The following ZNF592 variants were observed in gnomAD, a reference collection of about 807,000 sequenced individuals.
ZNF592 encodes spinocerebellar ataxia, autosomal recessive 5.
A neutral mutation model predicts 80.3 loss-of-function variants in ZNF592; 11 were observed. The ratio of observed to expected loss-of-function variants is 0.14; its 90% CI spans 0.09 to 0.23. The LOEUF is 0.23. Ranked by LOEUF, ZNF592 falls within the 10% of genes least tolerant of loss-of-function variation. The probability of loss-of-function intolerance (pLI) is 1.00; values close to 1 mark genes in which losing one functional copy is unlikely to be tolerated. For missense variants in ZNF592, 1,420 were observed against 1,633.9 expected, an observed-to-expected ratio of 0.87 and a Z score of 2.26; for synonymous variants, 646 against 640.3, an observed-to-expected ratio of 1.01 and a Z score of -0.13.
Position 84,802,615 on chromosome 15 carries a change from T to C in ZNF592, c.*222T>C. ...GCTCTGAATTTGCTTCTGTTATTTA[T>C]GGCTTTTCGCTGCTTCTTGGTGCCC... On this transcript the variant is annotated 3_prime_UTR_variant, in exon 11 of 11. Coordinates refer to ENST00000560079, the MANE Select transcript of ZNF592 (RefSeq NM_014630.3). 1.7e-6 allele frequency: 1 copy of C among 603,434 alleles called. No individual in the cohort carries two copies. The highest frequency in any genetic ancestry group is 2.0e-5 in the South Asian group (1 of 50,824). The allele number at this position is 603,434 out of a possible 1,614,324, so 37.4% of individuals were successfully genotyped here.
chr15:84,754,048 G>A (rs1436666973), intron 1 of ZNF592, among the ~76,000 whole-genome samples: 1 of 152,174 alleles, frequency 6.6e-6, no homozygotes, highest in Non-Finnish European at 1.5e-5. Context: ...TTGTTTAACA[G>A]CAGGGGAATT....
intron 2 of ZNF592, among the ~76,000 whole-genome samples, chr15:84,765,883 C>T (rs1398725078): frequency 6.6e-6 from 1 of 151,942 alleles, no homozygotes; most frequent in Non-Finnish European, 1.5e-5. Context: ...TGTGATTGGA[C>T]CCATAAAGTC....
At position 84,782,809 on chromosome 15, in the gene ZNF592, G is replaced by A; in HGVS notation, c.134G>A (p.Gly45Asp). ...EENESPLKPPGICMDESVSLS... is the reference protein window; with the variant it reads ...EENESPLKPPDICMDESVSLS... ...AATGAGAGTCCCCTCAAACCTCCAG[G>A]CATATGTATGGATGAAAGTGTGTCC... The change falls in exon 4 of 11, where the codon GGC becomes GAC. Residue 45 changes from glycine to aspartate, a missense_variant. By Grantham distance (94) the Gly-to-Asp change is moderately conservative. Transcript: ENST00000560079. 6.2e-7 allele frequency: 1 copy of A among 1,614,082 alleles called. No individual in the cohort carries two copies. Among genetic ancestry groups the A allele is most frequent in the Non-Finnish European group, 8.5e-7 (1 of 1,180,028 alleles).
At chr15:84,756,759 G>A (rs1385691134) in intron 1 of ZNF592, among the ~76,000 whole-genome samples, 2 of 152,106 alleles carry the variant, frequency 1.3e-5, no homozygotes, top group African/African-American at 2.4e-5. Flanking sequence ...AGAGATAGGA[G>A]TCTTGCTACA....
At chr15:84,791,217 A>G (rs1303781867) in intron 5 of ZNF592, among the ~76,000 whole-genome samples, 5 of 152,236 alleles carry the variant, frequency 3.3e-5, no homozygotes, top group Non-Finnish European at 7.3e-5. Flanking sequence ...TTAAATGTAA[A>G]GTGCTGTTTC....
In ZNF592 at chr15:84,784,919, G is replaced by A. The variant is rs62019471; in HGVS notation, c.2220+24G>A. On this transcript the variant is annotated intron_variant, in intron 4 of 10. Transcript: ENST00000560079. This position sits in a 1 kb window ranked among gnomAD's most constrained non-coding sequence, Gnocchi z 5.8. ...TGGTAAGCAGACCCTCACTGTTACG[G>A]GTATCGGGCCCCTGGCTCACACAGG... 1.2e-6 allele frequency: 2 copies of A among 1,613,732 alleles called. No individual in the cohort carries two copies. The highest frequency in any genetic ancestry group is 1.7e-6 in the Non-Finnish European group (2 of 1,179,940).
At chr15:84,789,072 C>A (rs927977385) in intron 4 of ZNF592, among the ~76,000 whole-genome samples, 76 of 148,770 alleles carry the variant, frequency 5.1e-4, no homozygotes, top group African/African-American at 1.7e-3. Context: ...ACAAAAAAAA[C>A]AAAACAGAAA....
At chr15:84,764,911 T>TTTTG (rs140449436) in intron 2 of ZNF592, 96 bp downstream of exon 2, 1 of 87,188 alleles carries the variant, frequency 1.1e-5, no homozygotes, top group Non-Finnish European at 1.6e-5. Flanking sequence ...TTTTGTTTTG[T>TTTTG]TTTTTTTTGA....
intron 1 of ZNF592, chr15:84,753,446 T>C (rs1203995554): frequency 6.6e-6 from 1 of 152,142 alleles, no homozygotes; most frequent in Non-Finnish European, 1.5e-5. Flanking sequence ...AGCCAGATCA[T>C]GGTGAGTTTT....
Position 84,798,969 on chromosome 15 carries a change from G to A in ZNF592, c.3024+94G>A, listed in dbSNP as rs1963013474. ...CCTAGGGTTCCTGGTGCTTAGGGCAGGGTGGGTACCACAGATCTTGAGGTC... is the reference window on the plus strand; with the variant it reads ...CCTAGGGTTCCTGGTGCTTAGGGCAAGGTGGGTACCACAGATCTTGAGGTC... On this transcript the variant is annotated intron_variant, in intron 8 of 10. Transcript: ENST00000560079. The surrounding 1 kb of genome is among the most constrained non-coding windows in gnomAD (Gnocchi z 4.5). 2.5e-6 allele frequency: 4 copies of A among 1,594,248 alleles called. No individual in the cohort carries two copies. The South Asian group carries it at 4.4e-5, about 18-fold the overall frequency.
Position 84,801,929 on chromosome 15 carries a change from G to T in ZNF592, c.3340G>T (p.Val1114Phe). ...DAPGTSNGAT[V>F]SSTKRHKSLF... ...TCCAGGCACCAGCAATGGCGCAACT[G>T]TCTCTTCCACCAAAAGGCACAAGTC... The change falls in exon 11 of 11, where the codon GTC becomes TTC. Residue 1114 changes from valine (V) to phenylalanine (F), a missense_variant. Coordinates refer to ENST00000560079, the MANE Select transcript of ZNF592 (RefSeq NM_014630.3). The T allele has an allele frequency of 4.3e-6, 7 of 1,613,934 alleles. No individual in the cohort carries two copies. Among genetic ancestry groups the T allele is most frequent in the East Asian group, 2.2e-5 (1 of 44,874 alleles).
Position 84,790,815 on chromosome 15 carries a change from C to T in ZNF592, c.2331C>T (p.Cys777=), listed in dbSNP as rs779309999. Residue 777 remains cysteine, a synonymous_variant, in exon 5 of 11, where the codon TGC becomes TGT. Coordinates refer to ENST00000560079, the MANE Select transcript of ZNF592 (RefSeq NM_014630.3). ...PYCCPECGVL[C]RSAYFQTHVK... Reference sequence around the variant, plus strand: ...GCTGCCCGGAGTGTGGGGTCCTCTGCCGCTCTGCCTACTTCCAGACCCATG... The same window carrying T: ...GCTGCCCGGAGTGTGGGGTCCTCTGTCGCTCTGCCTACTTCCAGACCCATG... 1 of 1,614,250 alleles carries T rather than the reference C, an allele frequency of 6.2e-7. No homozygotes were observed. The highest frequency in any genetic ancestry group is 8.5e-7 in the Non-Finnish European group (1 of 1,180,040).
At position 84,802,451 on chromosome 15, in the gene ZNF592, C is replaced by T; in HGVS notation, c.*58C>T. 1.9e-6 allele frequency: 3 copies of T among 1,589,478 alleles called. No homozygotes were observed. Among genetic ancestry groups the T allele is most frequent in the Non-Finnish European group, 2.6e-6 (3 of 1,163,340 alleles). On this transcript the variant is annotated 3_prime_UTR_variant, in exon 11 of 11. Transcript: ENST00000560079. ...GGTGCCGAAGTGTCTTCCACCTGCC[C>T]TGCGGACCGTGGAAAATAAAAGGCT...
At position 84,783,397 on chromosome 15, in the gene ZNF592, C is replaced by G. The variant is rs775435189; in HGVS notation, c.722C>G (p.Ala241Gly). 5 of 1,614,204 alleles carry G rather than the reference C, an allele frequency of 3.1e-6. No homozygotes were observed. The highest frequency in any genetic ancestry group is 4.2e-6 in the Non-Finnish European group (5 of 1,180,054). Reference sequence around the variant, plus strand: ...GATGCCACTCGATTCTTCGGGGAAGCTTTGGAGTTCAACAGCCATCCTAGC... The same window carrying G: ...GATGCCACTCGATTCTTCGGGGAAGGTTTGGAGTTCAACAGCCATCCTAGC... ...DPDATRFFGE[A>G]LEFNSHPSNS... Residue 241 changes from alanine (A) to glycine (G), a missense_variant, in exon 4 of 11, where the codon GCT (alanine) becomes GGT (glycine). This residue lies in a region of ZNF592 where 373 missense variants were observed against 355.5 expected (regional missense o/e 1.05). Coordinates refer to ENST00000560079, the MANE Select transcript of ZNF592 (RefSeq NM_014630.3). The surrounding 1 kb of genome is among the most constrained non-coding windows in gnomAD (Gnocchi z 5.0).
At chr15:84,759,493 C>G (rs1376053124) in intron 1 of ZNF592, among the ~76,000 whole-genome samples, 1 of 152,178 alleles carries the variant, frequency 6.6e-6, no homozygotes, top group East Asian at 1.9e-4. Context: ...CTCCTATCCA[C>G]AAAGTATGAA....
At chr15:84,771,410 C>G (rs538726944) in intron 2 of ZNF592, among the ~76,000 whole-genome samples, 1 of 152,056 alleles carries the variant, frequency 6.6e-6, no homozygotes, top group Non-Finnish European at 1.5e-5. Flanking sequence ...CAGGTATTCT[C>G]TAGTCAGGGG....
intron 10 of ZNF592, among the ~76,000 whole-genome samples, chr15:84,800,462 T>G (rs1172393198): frequency 6.6e-6 from 1 of 152,140 alleles, no homozygotes; most frequent in Non-Finnish European, 1.5e-5. Flanking sequence ...TATTCTGATT[T>G]CTGGTGAACT....
chr15:84,779,804 A>T (rs1962366822), intron 3 of ZNF592, among the ~76,000 whole-genome samples: 1 of 151,990 alleles, frequency 6.6e-6, no homozygotes, highest in African/African-American at 2.4e-5. Context: ...TTTACTTCTG[A>T]TCTAATCTTT....
rs748772528 is a variant in ZNF592, at chr15:84,782,985, C to T, written c.310C>T (p.Pro104Ser). 3 of 1,614,164 alleles carry T rather than the reference C, an allele frequency of 1.9e-6. No individual in the cohort carries two copies. Among genetic ancestry groups the T allele is most frequent in the Non-Finnish European group, 2.5e-6 (3 of 1,180,028 alleles). ...CCGGGGCTCAGATCTGCCTCCAGAT[C>T]CCCACAACTGTGGGAAATTTGATTC... ...GFRGSDLPPD[P>S]HNCGKFDSTF... The change falls in exon 4 of 11, where the codon CCC (proline) becomes TCC (serine). Residue 104 changes from proline (P) to serine (S), a missense_variant. Around this residue, in one of 7 missense-constraint regions of ZNF592, gnomAD observed 373 missense variants for 355.5 expected, o/e 1.05. Coordinates refer to ENST00000560079, the MANE Select transcript of ZNF592 (RefSeq NM_014630.3).
Sources: gnomAD v4.1 joint callset for allele counts (sites outside exome capture counted in the v4.1 genomes callset) on GRCh38, gnomAD v4.1.1 for gene constraint, gnomAD v4.1.1 regional missense constraint, Gnocchi (gnomAD v3.1) non-coding constraint, MANE v1.5 for transcripts, NCBI Gene and HGNC (gene_info 2026-07-23, HGNC 2026-07-21) for gene names.